PLS3: variants seen among roughly 807,000 people sequenced by gnomAD.
PLS3 encodes plastin 3, also known as plastin-3.
PLS3 carries 11 observed loss-of-function variants against 46.5 expected under a neutral mutation model. That is an observed-to-expected ratio of 0.24 (90% CI 0.15 to 0.39). PLS3 has a LOEUF of 0.39. Ranked by LOEUF, PLS3 falls within the 10% of genes least tolerant of loss-of-function variation. The probability of loss-of-function intolerance (pLI) is 1.00; values close to 1 mark genes in which losing one functional copy is unlikely to be tolerated. For missense variants in PLS3, 308 were observed against 461.8 expected, an observed-to-expected ratio of 0.67 and a Z score of 3.05; for synonymous variants, 167 against 162.2, an observed-to-expected ratio of 1.03 and a Z score of -0.22.
chrX:115,628,618 C>G (rs1216263732), intron 3 of PLS3, among the ~76,000 whole-genome samples: 2 of 111,739 alleles, frequency 1.8e-5, no homozygotes, highest in Admixed American at 1.9e-4. Context: ...AGAAGCTGGA[C>G]TTCATAAATG....
chrX:115,604,565 T>G (rs1213070162), intron 1 of PLS3, among the ~76,000 whole-genome samples: 1 of 111,724 alleles, frequency 9.0e-6, no homozygotes, highest in Non-Finnish European at 1.9e-5. Flanking sequence ...CCTTCTAATT[T>G]CACGTCCAAC....
intron 1 of PLS3, among the ~76,000 whole-genome samples, chrX:115,561,811 G>A (rs1050259293): frequency 9.0e-6 from 1 of 111,512 alleles, no homozygotes; most frequent in East Asian, 2.9e-4. Flanking sequence ...CTCTGGAGAG[G>A]GGGGGCCGTG....
intron 1 of PLS3, among the ~76,000 whole-genome samples, chrX:115,585,971 G>C (rs1312986129): frequency 2.7e-5 from 3 of 109,729 alleles, no homozygotes; most frequent in Admixed American, 9.8e-5. Flanking sequence ...ATTCTTAACC[G>C]CTTATCAGAA....
rs141907957 is a variant in PLS3 at position 115,629,903 on chromosome X, G to A, written c.436G>A (p.Val146Ile). The change falls in exon 5 of 16, where the codon GTT becomes ATT. Residue 146 changes from valine to isoleucine, a missense_variant. Val to Ile is a conservative substitution (Grantham distance 29). Around this residue, in one of 2 missense-constraint regions of PLS3, gnomAD observed 271 missense variants for 435.7 expected, o/e 0.62. Coordinates refer to ENST00000355899, the MANE Select transcript of PLS3 (RefSeq NM_005032.7). Reference sequence around the variant, plus strand: ...GGAAAATGATCCTGATTGTAGACATGTTATACCAATGAACCCTAACACCGA... The same window carrying A: ...GGAAAATGATCCTGATTGTAGACATATTATACCAATGAACCCTAACACCGA... ...ALENDPDCRH[V>I]IPMNPNTDDL... is the part of the protein sequence containing the mutation. The A allele has an allele frequency of 5.1e-6, 6 of 1,168,575 alleles. No homozygotes were observed. The African/African-American group carries it at 8.9e-5, about 17-fold the overall frequency.
chrX:115,617,519 C>T (rs1189879005), intron 2 of PLS3, among the ~76,000 whole-genome samples: 1 of 111,942 alleles, frequency 8.9e-6, no homozygotes, highest in Non-Finnish European at 1.9e-5. Flanking sequence ...TTTCTTTGGT[C>T]AATTCCTGAG....
At chrX:115,580,095 G>A (rs1183107662) in intron 1 of PLS3, among the ~76,000 whole-genome samples, 1 of 112,020 alleles carries the variant, frequency 8.9e-6, no homozygotes, top group Non-Finnish European at 1.9e-5. Context: ...GTATTCTAGA[G>A]TCTAATTCTT....
chrX:115,625,275 A>G (rs193243535), intron 3 of PLS3, among the ~76,000 whole-genome samples: 1 of 111,413 alleles, frequency 9.0e-6, no homozygotes, highest in East Asian at 2.8e-4. Context: ...GACTACAAAC[A>G]AAAACAGTTT....
chrX:115,569,635 T>G (rs966102212), intron 1 of PLS3, among the ~76,000 whole-genome samples: 5 of 111,899 alleles, frequency 4.5e-5, no homozygotes, highest in Non-Finnish European at 7.5e-5. Context: ...TTACAAATAT[T>G]TTGTGTATTT....
At chrX:115,645,211 G>A in intron 11 of PLS3, 112 bp downstream of exon 11, 1 of 526,045 alleles carries the variant, frequency 1.9e-6, no homozygotes, top group East Asian at 3.6e-5. Context: ...ATTTATATTG[G>A]AAAATGTCAA....
At chrX:115,629,116 C>G (rs2074739575) in intron 3 of PLS3, 82 bp from the exon 4 acceptor site, 1 of 677,009 alleles carries the variant, frequency 1.5e-6, no homozygotes, top group African/African-American at 2.2e-5. Flanking sequence ...TGTAAGTGAT[C>G]AAGATATAAA....
At chrX:115,583,611 A>G (rs1468206295) in intron 1 of PLS3, among the ~76,000 whole-genome samples, 1 of 112,637 alleles carries the variant, frequency 8.9e-6, no homozygotes, top group Admixed American at 9.4e-5. Flanking sequence ...TCTGGTAGCA[A>G]GTAGAAGCCA....
At chrX:115,642,678 G>A (rs2074910665) in intron 9 of PLS3, among the ~76,000 whole-genome samples, 1 of 111,286 alleles carries the variant, frequency 9.0e-6, no homozygotes, top group Non-Finnish European at 1.9e-5. Context: ...GAAAAAAGGA[G>A]AAACTCCAAA....
At chrX:115,568,027 A>G (rs1454496692) in intron 1 of PLS3, among the ~76,000 whole-genome samples, 2 of 111,876 alleles carry the variant, frequency 1.8e-5, no homozygotes, top group Non-Finnish European at 3.8e-5. Context: ...CACTGAAAAT[A>G]ACGCTTTCAT....
intron 9 of PLS3, among the ~76,000 whole-genome samples, chrX:115,643,016 G>T (rs1449659814): frequency 8.9e-6 from 1 of 111,754 alleles, no homozygotes; most frequent in African/African-American, 3.3e-5. Flanking sequence ...TTTCTCTACA[G>T]ATTTTCAAAC....
At chrX:115,645,345 A>C (rs782222575) in intron 11 of PLS3, among the ~76,000 whole-genome samples, 2 of 111,168 alleles carry the variant, frequency 1.8e-5, no homozygotes. Context: ...CAAATACTTT[A>C]TATTTTGAAA....
chrX:115,609,638 T>C (rs141762750), intron 1 of PLS3, among the ~76,000 whole-genome samples: 1,804 of 112,290 alleles, frequency 0.016, 41 homozygotes, highest in African/African-American at 0.055. Flanking sequence ...GTTAGTTAAA[T>C]AGATCAATAA....
In PLS3 at chrX:115,608,413, A is replaced by G. The variant is rs1017200420; in HGVS notation, c.-8-1830A>G. ...ATCTTTAGGGCAGTGGAACTACTCT[A>G]TGTAATATGTTAATGGTGGATACAT... On this transcript the variant is annotated intron_variant, in intron 1 of 15. Coordinates refer to ENST00000355899, the MANE Select transcript of PLS3 (RefSeq NM_005032.7). Among the ~76,000 whole-genome samples the G allele has an allele frequency of 4.6e-4, 52 of 112,150 alleles. No homozygotes were observed. The Admixed American group carries it at 4.8e-3, about 10-fold the overall frequency.
At chrX:115,592,656 T>C (rs1331337898) in intron 1 of PLS3, among the ~76,000 whole-genome samples, 9 of 111,811 alleles carry the variant, frequency 8.0e-5, no homozygotes, top group African/African-American at 2.9e-4. Flanking sequence ...AAAGGCAAAT[T>C]TCAATAATGA....
In PLS3 at chrX:115,643,340, A is replaced by T; in HGVS notation, c.1015A>T (p.Ser339Cys). 1 of 1,200,089 alleles carries T rather than the reference A, an allele frequency of 8.3e-7. No individual in the cohort carries two copies. The highest frequency in any genetic ancestry group is 1.1e-6 in the Non-Finnish European group (1 of 885,536). The stretch of plus-strand genomic sequence containing the variant: ...AACAGATGATTTGAAGAGAGCTGAG[A>T]GTATGCTTCAACAAGCAGATAAATT... ...NETDDLKRAE[S>C]MLQQADKLGC... Residue 339 changes from serine to cysteine, a missense_variant, in exon 10 of 16, where the codon AGT becomes TGT. By Grantham distance (112) the Ser-to-Cys change is moderately radical (BLOSUM62 -1). This residue lies in a region of PLS3 where 271 missense variants were observed against 435.7 expected (regional missense o/e 0.62). Transcript: ENST00000355899.
Sources: gnomAD v4.1 joint callset for allele counts (sites outside exome capture counted in the v4.1 genomes callset) on GRCh38, gnomAD v4.1.1 for gene constraint, gnomAD v4.1.1 regional missense constraint, MANE v1.5 for transcripts, NCBI Gene and HGNC (gene_info 2026-07-23, HGNC 2026-07-21) for gene names.